The following OSBP2 variants were observed in gnomAD, a reference collection of about 807,000 sequenced individuals.
OSBP2 encodes the protein oxysterol binding protein 2, also known as oxysterol-binding protein 2.
In OSBP2, 66 loss-of-function variants were observed where a neutral mutation model predicts 96.0. That is an observed-to-expected ratio of 0.69 (90% CI 0.56 to 0.84). The LOEUF (loss-of-function observed/expected upper bound fraction) is 0.84, where lower values mean the gene tolerates loss of function less well. Ranked by LOEUF, OSBP2 falls within the 40% of genes least tolerant of loss-of-function variation. The pLI is 0.00. For synonymous variants in OSBP2, 525 were observed against 520.9 expected (o/e 1.01, Z -0.11); for missense variants, 1,038 against 1,222.7 (o/e 0.85, Z 2.25).
At chr22:30,886,375 G>A (rs893027453) in intron 3 of OSBP2, among the ~76,000 whole-genome samples, 14 of 152,248 alleles carry the variant, frequency 9.2e-5, no homozygotes, top group African/African-American at 3.4e-4. Context: ...TAAGATGAAA[G>A]ATTGTGGAGA....
chr22:30,708,213 A>G (rs1366666045), intron 1 of OSBP2, among the ~76,000 whole-genome samples: 2 of 152,160 alleles, frequency 1.3e-5, no homozygotes, highest in Non-Finnish European at 2.9e-5. Flanking sequence ...TAAGGCTTAC[A>G]TGAGCTAAGA....
intron 2 of OSBP2, among the ~76,000 whole-genome samples, chr22:30,858,151 G>C (rs2018305): frequency 7.8e-6 from 1 of 128,396 alleles, no homozygotes; most frequent in Non-Finnish European, 1.6e-5. Context: ...TTGTTTGTTT[G>C]TTTTTTGAGA....
chr22:30,889,973 G>A (rs2039908128), intron 7 of OSBP2, among the ~76,000 whole-genome samples: 1 of 152,124 alleles, frequency 6.6e-6, no homozygotes, highest in Non-Finnish European at 1.5e-5. Context: ...ATGGGGCTGT[G>A]TGTGGAGGGG....
At chr22:30,903,042 C>G (rs2040250988) in intron 12 of OSBP2, among the ~76,000 whole-genome samples, 1 of 152,118 alleles carries the variant, frequency 6.6e-6, no homozygotes, top group Non-Finnish European at 1.5e-5. Context: ...CTGTCCTTTT[C>G]CTCCCAGCTC....
At chr22:30,721,487 G>A (rs2089551232) in intron 1 of OSBP2, among the ~76,000 whole-genome samples, 1 of 152,158 alleles carries the variant, frequency 6.6e-6, no homozygotes, top group Admixed American at 6.5e-5. Context: ...GGGTGAAGGT[G>A]GTCTCCCACG....
At chr22:30,872,547 C>T (rs745550367) in intron 3 of OSBP2, 5 of 361,854 alleles carry the variant, frequency 1.4e-5, no homozygotes, top group South Asian at 8.3e-5. Flanking sequence ...GGGTTGGTCA[C>T]GATTCCTTTC....
chr22:30,881,869 T>A lies in OSBP2; in HGVS notation c.1108-5557T>A. 11 of 1,277,990 alleles carry A rather than the reference T, an allele frequency of 8.6e-6. No individual in the cohort carries two copies. Among genetic ancestry groups the A allele is most frequent in the Non-Finnish European group, 1.1e-5 (11 of 968,338 alleles). The allele number at this position is 1,277,990 out of a possible 1,614,324, so 79.2% of individuals were successfully genotyped here. A position where few individuals can be genotyped will look rare whatever the true frequency, so the allele number is the denominator to read the frequency against. ...ATCCATGGGGTGACCAGGCAGCTCA[T>A]GTGCTGTGGGGGTAAAGGTCTTGGG... On this transcript the variant is annotated intron_variant, in intron 3 of 13. Transcript: ENST00000332585. The surrounding 1 kb of genome is among the most constrained non-coding windows in gnomAD (Gnocchi z 4.5).
chr22:30,759,551 T>A (rs1319251526), intron 2 of OSBP2, among the ~76,000 whole-genome samples: 1 of 152,110 alleles, frequency 6.6e-6, no homozygotes, highest in African/African-American at 2.4e-5. Flanking sequence ...ATAAAATAGA[T>A]ACATAATACA....
intron 12 of OSBP2, among the ~76,000 whole-genome samples, chr22:30,898,167 C>T (rs2040107856): frequency 1.3e-5 from 2 of 151,694 alleles, no homozygotes; most frequent in South Asian, 2.1e-4. Flanking sequence ...ATAGTGAGAC[C>T]TCATCTCTAC....
chr22:30,899,927 T>C (rs1038266928), intron 12 of OSBP2, among the ~76,000 whole-genome samples: 6 of 152,128 alleles, frequency 3.9e-5, no homozygotes, highest in South Asian at 2.1e-4. Context: ...CGAAAGCCAG[T>C]TGCATTTCAG....
At chr22:30,798,668 G>A (rs990475947) in intron 2 of OSBP2, among the ~76,000 whole-genome samples, 7 of 152,150 alleles carry the variant, frequency 4.6e-5, no homozygotes, top group Admixed American at 1.3e-4. Flanking sequence ...AGCAACATTT[G>A]TTGAAAAGAC....
intron 1 of OSBP2, among the ~76,000 whole-genome samples, chr22:30,739,427 A>G (rs558404177): frequency 6.6e-6 from 1 of 152,236 alleles, no homozygotes; most frequent in Non-Finnish European, 1.5e-5. Context: ...CTGGGCCTCC[A>G]ATTTCAGTTT....
At chr22:30,739,147 C>T (rs761207641) in intron 1 of OSBP2, among the ~76,000 whole-genome samples, 5 of 152,134 alleles carry the variant, frequency 3.3e-5, no homozygotes, top group Non-Finnish European at 7.4e-5. Flanking sequence ...CTCCGTTTTC[C>T]GACATTGATT....
intron 2 of OSBP2, among the ~76,000 whole-genome samples, chr22:30,813,102 C>T (rs2091031207): frequency 6.7e-6 from 1 of 149,318 alleles, no homozygotes; most frequent in South Asian, 2.1e-4. Context: ...ATTGTCATGT[C>T]TATCCATCAG....
At chr22:30,718,746 CT>C (rs1363253295) in intron 1 of OSBP2, among the ~76,000 whole-genome samples, 2 of 152,036 alleles carry the variant, frequency 1.3e-5, no homozygotes, top group African/African-American at 2.4e-5. Flanking sequence ...TTGTCTCCCC[CT>C]TTTTTTTCCC....
chr22:30,752,653 T>C (rs2090093096), intron 2 of OSBP2, among the ~76,000 whole-genome samples: 1 of 152,048 alleles, frequency 6.6e-6, no homozygotes, highest in African/African-American at 2.4e-5. Context: ...AGATTGTAAA[T>C]GGTTCTCACC....
intron 2 of OSBP2, among the ~76,000 whole-genome samples, chr22:30,843,453 C>CA (rs59462860): frequency 0.042 from 6,207 of 148,380 alleles, 446 homozygotes; most frequent in African/African-American, 0.15. Flanking sequence ...TTCCCCCCTC[C>CA]CCCTTGAGCA....
In OSBP2 at chr22:30,730,801, TATATATA is replaced by T. The variant is rs1294368212; in HGVS notation, c.645-10357_645-10351del. Reference sequence around the variant, plus strand: ...ATATATATATATATATATATATATATATATATAATTTTTTTTTTTTTTCCCATGGACA... The same window carrying T: ...ATATATATATATATATATATATATATATTTTTTTTTTTTTTCCCATGGACA... On this transcript the variant is annotated intron_variant, in intron 1 of 13. Coordinates refer to ENST00000332585, the MANE Select transcript of OSBP2 (RefSeq NM_030758.4). Among the ~76,000 whole-genome samples the T allele has an allele frequency of 2.8e-4, 16 of 56,488 alleles. 2 individuals are homozygous for T. The highest frequency in any genetic ancestry group is 1.6e-3 in the South Asian group (2 of 1,262). 37.1% of individuals were successfully genotyped at this position (56,488 alleles called of 152,430 possible).
chr22:30,893,369 C>T, intron 9 of OSBP2, 94 bp from the exon 10 acceptor site: 1 of 1,538,670 alleles, frequency 6.5e-7, no homozygotes. Context: ...CTCTTCAACC[C>T]CCCAGCCTAG....
Sources: gnomAD v4.1 joint callset for allele counts (sites outside exome capture counted in the v4.1 genomes callset) on GRCh38, gnomAD v4.1.1 for gene constraint, Gnocchi (gnomAD v3.1) non-coding constraint, MANE v1.5 for transcripts, NCBI Gene and HGNC (gene_info 2026-07-23, HGNC 2026-07-21) for gene names.